ULK1: variants seen among roughly 807,000 people sequenced by gnomAD.
ULK1 encodes the protein unc-51 like autophagy activating kinase 1.
A neutral mutation model predicts 117.5 loss-of-function variants in ULK1; 48 were observed. That is an observed-to-expected ratio of 0.41 (90% CI 0.32 to 0.52). The LOEUF is 0.52. Among genes scored for constraint, ULK1 ranks in the 20% least tolerant of loss-of-function variants. The pLI is 0.29. For missense variants in ULK1, 1,387 were observed against 1,473.4 expected, an observed-to-expected ratio of 0.94 and a Z score of 0.96; for synonymous variants, 790 against 637.8, an observed-to-expected ratio of 1.24 and a Z score of -3.60.
At chr12:131,904,862 T>G (rs1236658119) in intron 3 of ULK1, among the ~76,000 whole-genome samples, 3 of 152,066 alleles carry the variant, frequency 2.0e-5, no homozygotes, top group Admixed American at 2.0e-4. Context: ...TGAAGTTATT[T>G]CTGAGTCTAG....
At chr12:131,913,891 G>A in intron 15 of ULK1, 55 bp downstream of exon 15, 10 of 1,397,004 alleles carry the variant, frequency 7.2e-6, no homozygotes, top group Non-Finnish European at 9.4e-6. Context: ...CCCGGCTGGA[G>A]GTTGGGCTTC....
rs1889891055 is a variant in ULK1 at position 131,917,325 on chromosome 12, GGATGGGGGTCGGGTTC to G, written c.2183-84_2183-69del. 41 of 1,102,640 alleles carry G rather than the reference GGATGGGGGTCGGGTTC, an allele frequency of 3.7e-5. 2 individuals carry two copies. Among genetic ancestry groups the G allele is most frequent in the South Asian group, 3.2e-4 (13 of 40,688 alleles). The allele number at this position is 1,102,640 out of a possible 1,614,324, so 68.3% of individuals were successfully genotyped here. A position where few individuals can be genotyped will look rare whatever the true frequency, so the allele number is the denominator to read the frequency against. On this transcript the variant is annotated intron_variant, in intron 21 of 27. Transcript: ENST00000321867. ...GGTTGGGGGGAGCTCGGAGGCCGTG[GGATGGGGGTCGGGTTC>G]GGCTCGGAGGCTGTGGGATGGGGGT...
rs1890203781 is a variant in ULK1, at chr12:131,922,748, T to C, written c.*1387T>C. 2 of 152,472 alleles carry C rather than the reference T, an allele frequency of 1.3e-5. No homozygotes were observed. Among genetic ancestry groups the C allele is most frequent in the South Asian group, 4.1e-4 (2 of 4,836 alleles). The allele number at this position is 152,472 out of a possible 1,614,324, so 9.4% of individuals were successfully genotyped here. A position where few individuals can be genotyped will look rare whatever the true frequency, so the allele number is the denominator to read the frequency against. On this transcript the variant is annotated 3_prime_UTR_variant, in exon 28 of 28. Transcript: ENST00000321867. ...TCACACGCCACATAACAGACAAAAATACACACACGTGTGTTTTTCTTTGCA... is the reference window on the plus strand; with the variant it reads ...TCACACGCCACATAACAGACAAAAACACACACACGTGTGTTTTTCTTTGCA...
intron 15 of ULK1, 82 bp downstream of exon 15, chr12:131,913,918 GC>G: frequency 8.1e-7 from 1 of 1,229,188 alleles, no homozygotes; most frequent in Non-Finnish European, 1.1e-6. Flanking sequence ...GTCGCAGCCA[GC>G]CCAGGCCTGC....
chr12:131,916,306 C>A, intron 19 of ULK1, 92 bp from the exon 20 acceptor site: 1 of 1,515,002 alleles, frequency 6.6e-7, no homozygotes. Context: ...CACATGCCTG[C>A]CAGTTCCTGC....
intron 20 of ULK1, 36 bp from the exon 21 acceptor site, chr12:131,916,917 G>A: frequency 6.4e-7 from 1 of 1,563,718 alleles, no homozygotes; most frequent in Non-Finnish European, 8.7e-7. Flanking sequence ...GGTGGGGTGG[G>A]CCGGGCACCC....
rs765120519 is a variant in ULK1 at position 131,917,514 on chromosome 12, G to C, written c.2286G>C (p.Gly762=). 3.5e-5 allele frequency: 51 copies of C among 1,465,152 alleles called. No homozygotes were observed. The highest frequency in any genetic ancestry group is 4.4e-5 in the African/African-American group (3 of 68,522). 90.8% of individuals were successfully genotyped at this position (1,465,152 alleles called of 1,614,324 possible). The part of the protein sequence containing the change: ...VVFTVGSPPS[G]STPPQGPRTR... ...TCACCGTGGGCTCTCCCCCGAGCGG[G>C]AGCACGCCCCCCCAGGGCCCCCGCA... The change falls in exon 22 of 28, where the codon GGG becomes GGC. Residue 762 remains glycine (G), a synonymous_variant. Transcript: ENST00000321867.
chr12:131,917,584 C>A (rs867643987), intron 22 of ULK1, 30 bp downstream of exon 22: 1 of 1,363,198 alleles, frequency 7.3e-7, no homozygotes, highest in Non-Finnish European at 9.5e-7. Flanking sequence ...AAGCCCTGTC[C>A]CTTTTGGGGT....
intron 3 of ULK1, among the ~76,000 whole-genome samples, chr12:131,901,816 A>G (rs1889101737): frequency 6.6e-6 from 1 of 151,216 alleles, no homozygotes. Context: ...TGCGCCAACT[A>G]GGATGGCCGG....
chr12:131,918,380 G>C (rs968373003), intron 22 of ULK1, 117 bp from the exon 23 acceptor site: 4 of 1,245,400 alleles, frequency 3.2e-6, no homozygotes, highest in African/African-American at 1.5e-5. Flanking sequence ...GGATATAACA[G>C]GTGTAAACCG....
chr12:131,914,978 T>C, intron 16 of ULK1, 105 bp from the exon 17 acceptor site: 2 of 1,466,186 alleles, frequency 1.4e-6, no homozygotes, highest in Non-Finnish European at 1.8e-6. Context: ...CCTGGGCTGC[T>C]GGGGCCTCCC....
At chr12:131,920,545 T>C (rs1890107997) in intron 26 of ULK1, 1 of 218,846 alleles carries the variant, frequency 4.6e-6, no homozygotes, top group Admixed American at 5.2e-5. Flanking sequence ...CCTCTGCCTC[T>C]GAGGTGGTGC....
chr12:131,909,756 G>GCTGTCC lies in ULK1; in HGVS notation c.667-17_667-12dup. 4.4e-6 allele frequency: 7 copies of GCTGTCC among 1,588,114 alleles called. No homozygotes were observed. The highest frequency in any genetic ancestry group is 6.0e-6 in the Non-Finnish European group (7 of 1,167,410). ...GCTCGGCCGCAGCCCTGGCAGTCAG[G>GCTGTCC]CTGTCCCCGTCCCCGCAGGCCAGCA... On this transcript the variant is annotated intron_variant, in intron 8 of 27. Transcript: ENST00000321867.
At chr12:131,918,876 T>C (rs1344327512) in intron 23 of ULK1, among the ~76,000 whole-genome samples, 195 bp downstream of exon 23, 6 of 11,424 alleles carry the variant, frequency 5.3e-4, no homozygotes, top group Middle Eastern at 0.083. Flanking sequence ...GTGTGGGGTG[T>C]CGGGTGTGTG....
At chr12:131,921,030 G>A in intron 26 of ULK1, 70 bp from the exon 27 acceptor site, 1 of 1,506,072 alleles carries the variant, frequency 6.6e-7, no homozygotes. Flanking sequence ...GCTGCCGTGG[G>A]TGCAGGGCAG....
intron 1 of ULK1, 46 bp downstream of exon 1, chr12:131,895,158 C>T (rs1242342756): frequency 1.2e-5 from 16 of 1,294,958 alleles, no homozygotes; most frequent in South Asian, 2.8e-5. Context: ...GGATCCCCTG[C>T]CCCTGCATCC....
In ULK1 at chr12:131,922,013, C is replaced by G. The variant is rs907674271; in HGVS notation, c.*652C>G. 2 of 454,614 alleles carry G rather than the reference C, an allele frequency of 4.4e-6. No individual in the cohort carries two copies. The highest frequency in any genetic ancestry group is 7.0e-5 in the East Asian group (1 of 14,356). 28.2% of individuals were successfully genotyped at this position (454,614 alleles called of 1,614,324 possible). A position where few individuals can be genotyped will look rare whatever the true frequency, so the allele number is the denominator to read the frequency against. ...TGGACCTCAGCGGGAGAACTGGCTC[C>G]GGGGGGAGTGGGGCCCTGCGCTAGA... On this transcript the variant is annotated 3_prime_UTR_variant, in exon 28 of 28. Transcript: ENST00000321867.
At chr12:131,910,153 G>A (rs1189386636) in intron 10 of ULK1, 101 bp from the exon 11 acceptor site, 6 of 1,577,506 alleles carry the variant, frequency 3.8e-6, no homozygotes, top group African/African-American at 2.7e-5. Flanking sequence ...CCTCCGCCCG[G>A]GCAGGTGCCC....
In ULK1 at chr12:131,901,455, G is replaced by A. The variant is rs543229832; in HGVS notation, c.247-5437G>A. Among the ~76,000 whole-genome samples, 5 of 152,248 alleles carry A rather than the reference G, an allele frequency of 3.3e-5. No homozygotes were observed. In the South Asian group the frequency reaches 8.3e-4, roughly 25 times the overall value. On this transcript the variant is annotated intron_variant, in intron 3 of 27. Coordinates refer to ENST00000321867, the MANE Select transcript of ULK1 (RefSeq NM_003565.4). Reference sequence around the variant, plus strand: ...ACAGGCCCTGTGTGGCGTAGCAAGCGCCAGCCCAAAGCCATGCCCGCGTCC... The same window carrying A: ...ACAGGCCCTGTGTGGCGTAGCAAGCACCAGCCCAAAGCCATGCCCGCGTCC...
Sources: gnomAD v4.1 joint callset for allele counts (sites outside exome capture counted in the v4.1 genomes callset) on GRCh38, gnomAD v4.1.1 for gene constraint, MANE v1.5 for transcripts, NCBI Gene and HGNC (gene_info 2026-07-23, HGNC 2026-07-21) for gene names.